Variants in KTN1 observed in about 807,000 individuals in gnomAD.
KTN1 encodes the protein kinectin.
In KTN1, 130 loss-of-function variants were observed where a neutral mutation model predicts 222.5. The observed-to-expected ratio is 0.58, with a 90% CI of 0.51 to 0.68. The LOEUF (loss-of-function observed/expected upper bound fraction) is 0.68. Ranked by LOEUF, KTN1 falls within the 30% of genes least tolerant of loss-of-function variation. The probability of loss-of-function intolerance (pLI) is 0.00; values close to 1 mark genes in which losing one functional copy is unlikely to be tolerated. For missense variants in KTN1, 1,508 were observed against 1,500.4 expected (o/e 1.01, Z -0.08); for synonymous variants, 512 against 496.3 (o/e 1.03, Z -0.42).
At chr14:55,602,756 T>C (rs2036170930) in intron 1 of KTN1, among the ~76,000 whole-genome samples, 1 of 152,092 alleles carries the variant, frequency 6.6e-6, no homozygotes, top group Non-Finnish European at 1.5e-5. Context: ...TAATTTTTTA[T>C]TGTTTGTAGA....
At chr14:55,670,414 G>T (rs2045336689) in intron 34 of KTN1, among the ~76,000 whole-genome samples, 1 of 151,986 alleles carries the variant, frequency 6.6e-6, no homozygotes, top group South Asian at 2.1e-4. Flanking sequence ...CTAGTAAGTG[G>T]TAGAGGCCAG....
chr14:55,646,405 C>T (rs1035231210), intron 18 of KTN1, among the ~76,000 whole-genome samples: 1 of 148,738 alleles, frequency 6.7e-6, no homozygotes, highest in Non-Finnish European at 1.5e-5. Flanking sequence ...TTCTTTCTTT[C>T]TTCCTTTTTT....
chr14:55,647,762 G>T (rs1398889175), intron 19 of KTN1, among the ~76,000 whole-genome samples: 2 of 150,206 alleles, frequency 1.3e-5, no homozygotes, highest in Non-Finnish European at 3.0e-5. Flanking sequence ...GGCTAACATG[G>T]TGAAACCCCA....
chr14:55,605,185 T>A (rs1033374717), intron 1 of KTN1, among the ~76,000 whole-genome samples: 1 of 152,220 alleles, frequency 6.6e-6, no homozygotes, highest in Non-Finnish European at 1.5e-5. Context: ...TGTGTTGAAA[T>A]TGATTTATTG....
At chr14:55,652,782 G>A in intron 25 of KTN1, 68 bp from the exon 26 acceptor site, 2 of 1,033,638 alleles carry the variant, frequency 1.9e-6, no homozygotes, top group Middle Eastern at 2.4e-4. Context: ...TTTTTTCAGT[G>A]TCTAAGATTT....
chr14:55,608,914 G>A (rs2140558002), intron 1 of KTN1, among the ~76,000 whole-genome samples: 1 of 152,136 alleles, frequency 6.6e-6, no homozygotes, highest in Admixed American at 6.5e-5. Context: ...ACAGGCATGA[G>A]CCACCATGCC....
In KTN1 at chr14:55,632,348, G is replaced by A. The variant is rs531572400; in HGVS notation, c.1222-887G>A. Among the ~76,000 whole-genome samples the A allele has an allele frequency of 2.6e-4, 39 of 151,852 alleles. No individual in the cohort carries two copies. In the South Asian group the frequency reaches 5.8e-3, roughly 23 times the overall value. ...GATAACTTCTGTGAAAAATAGAAAT[G>A]TATACCTTAATTTCCCTTAATAAGC... is the stretch of plus-strand genomic sequence containing the variant. On this transcript the variant is annotated intron_variant, in intron 7 of 43. Transcript: ENST00000395314.
intron 28 of KTN1, among the ~76,000 whole-genome samples, chr14:55,655,538 A>G (rs985440076): frequency 2.6e-5 from 4 of 152,136 alleles, no homozygotes; most frequent in African/African-American, 9.7e-5. Context: ...CATCATTTTG[A>G]TGGTGGTGTT....
intron 41 of KTN1, 66 bp from the exon 42 acceptor site, chr14:55,678,286 A>T: frequency 3.2e-6 from 3 of 951,178 alleles, no homozygotes; most frequent in Non-Finnish European, 5.0e-6. Flanking sequence ...AATGAATAAA[A>T]TTATTCATTT....
rs2040895355 is a variant in KTN1, at chr14:55,634,539, C to T, written c.1342C>T (p.Leu448=). The change falls in exon 9 of 44, where the codon CTA becomes TTA. Residue 448 remains leucine, a synonymous_variant. Transcript: ENST00000395314. The part of the protein sequence containing the change: ...NQLESKQSAE[L]NKLRQDYARL... ...TACTGTTTTCAGGCAGTCTGCAGAA[C>T]TAAATAAACTACGCCAGGATTATGC... 3 of 1,611,708 alleles carry T rather than the reference C, an allele frequency of 1.9e-6. No individual in the cohort carries two copies. In the Admixed American group the frequency reaches 5.0e-5, roughly 27 times the overall value.
rs564786810 is a variant in KTN1 at position 55,672,186 on chromosome 14, C to A, written c.3531+309C>A. On this transcript the variant is annotated intron_variant, in intron 37 of 43. Transcript: ENST00000395314. ...TCAAAATCAGTTTTAAAGTATTTAA[C>A]CCATAATATAGAATTCAAGAAAAAG... The A allele has an allele frequency of 1.5e-3, 384 of 262,280 alleles. 3 individuals are homozygous for A. Among genetic ancestry groups the A allele is most frequent in the African/African-American group, 8.2e-3 (369 of 45,006 alleles). The allele number at this position is 262,280 out of a possible 1,614,324, so 16.2% of individuals were successfully genotyped here.
chr14:55,637,918 G>T (rs1231814470), intron 12 of KTN1, 71 bp downstream of exon 12: 3 of 1,144,230 alleles, frequency 2.6e-6, no homozygotes, highest in Non-Finnish European at 3.9e-6. Flanking sequence ...AATGTCTGTT[G>T]AGTGCCAATT....
intron 34 of KTN1, among the ~76,000 whole-genome samples, chr14:55,670,094 C>T (rs1171686059): frequency 6.6e-6 from 1 of 151,980 alleles, no homozygotes; most frequent in Admixed American, 6.6e-5. Context: ...ATATTTACAT[C>T]AGCTAACCTG....
At chr14:55,669,524 A>G (rs1435381546) in intron 34 of KTN1, among the ~76,000 whole-genome samples, 3 of 151,946 alleles carry the variant, frequency 2.0e-5, no homozygotes, top group Admixed American at 2.0e-4. Context: ...TAATTAGTAG[A>G]TATAAAAATA....
intron 4 of KTN1, 67 bp downstream of exon 4, chr14:55,618,201 T>C (rs1187572711): frequency 1.6e-5 from 18 of 1,154,776 alleles, no homozygotes; most frequent in Admixed American, 2.5e-5. Context: ...GATGGAGTCA[T>C]AGATTTCATT....
chr14:55,623,390 A>AT (rs1187768082), intron 5 of KTN1, among the ~76,000 whole-genome samples: 1 of 152,098 alleles, frequency 6.6e-6, no homozygotes, highest in Admixed American at 6.5e-5. Context: ...TTTTGTTTTT[A>AT]TTTTTTTGAG....
At chr14:55,601,273 CTG>C (rs1167200006) in intron 1 of KTN1, among the ~76,000 whole-genome samples, 2 of 152,144 alleles carry the variant, frequency 1.3e-5, no homozygotes, top group South Asian at 4.1e-4. Context: ...ATAGAAATAA[CTG>C]TGTTGCAGTT....
chr14:55,671,471 A>G (rs2045442066), intron 35 of KTN1, 95 bp from the exon 36 acceptor site: 3 of 799,110 alleles, frequency 3.8e-6, no homozygotes, highest in African/African-American at 1.8e-5. Context: ...CTTTGAAACC[A>G]TTTATCATAA....
rs188400504 is a variant in KTN1, at chr14:55,632,096, A to G, written c.1222-1139A>G. Among the ~76,000 whole-genome samples the G allele has an allele frequency of 1.1e-3, 161 of 152,278 alleles. No homozygotes were observed. In the Middle Eastern group the frequency reaches 0.014, roughly 13 times the overall value. Reference sequence around the variant, plus strand: ...TCTTACCCTATCCACTGCTTTTAGCATTTGTTTAACTCATTCCTTCATCTT... The same window carrying G: ...TCTTACCCTATCCACTGCTTTTAGCGTTTGTTTAACTCATTCCTTCATCTT... On this transcript the variant is annotated intron_variant, in intron 7 of 43. Coordinates refer to ENST00000395314, the MANE Select transcript of KTN1 (RefSeq NM_001079521.2).
Sources: allele counts gnomAD v4.1 joint callset (sites outside exome capture counted in the v4.1 genomes callset), GRCh38; gene constraint gnomAD v4.1.1; transcripts MANE v1.5; gene names NCBI Gene and HGNC (gene_info 2026-07-23, HGNC 2026-07-21).